Variants in ANTXR1 observed in about 807,000 individuals in gnomAD.
ANTXR1 encodes anthrax toxin receptor 1.
In ANTXR1, 19 loss-of-function variants were observed where a neutral mutation model predicts 78.1. The ratio of observed to expected loss-of-function variants is 0.24; its 90% CI spans 0.17 to 0.36. The LOEUF is 0.36. ANTXR1 is among the 10% of genes least tolerant of loss of function. The probability of loss-of-function intolerance (pLI) is 1.00; values close to 1 mark genes in which losing one functional copy is unlikely to be tolerated. For synonymous variants in ANTXR1, 273 were observed against 260.5 expected (o/e 1.05, Z -0.46); for missense variants, 518 against 718.6 (o/e 0.72, Z 3.19).
chr2:69,106,096 CTG>C (rs1043967960), intron 10 of ANTXR1, among the ~76,000 whole-genome samples: 3 of 152,212 alleles, frequency 2.0e-5, no homozygotes, highest in Non-Finnish European at 2.9e-5. Context: ...TTTTAAATGA[CTG>C]TGAACAACTT....
chr2:69,107,689 C>T (rs1671855019), intron 10 of ANTXR1, among the ~76,000 whole-genome samples: 1 of 151,988 alleles, frequency 6.6e-6, no homozygotes, highest in Non-Finnish European at 1.5e-5. Context: ...CAAAATCCAG[C>T]AATGTATTTA....
chr2:69,141,790 A>G (rs1363923699), intron 12 of ANTXR1, among the ~76,000 whole-genome samples: 8 of 152,176 alleles, frequency 5.3e-5, no homozygotes, highest in African/African-American at 1.9e-4. Context: ...GGGCTGGTGT[A>G]TGACAGTGAG....
chr2:69,024,842 T>G (rs57913812), intron 1 of ANTXR1, among the ~76,000 whole-genome samples: 6,044 of 152,218 alleles, frequency 0.04, 237 homozygotes, highest in East Asian at 0.17. Flanking sequence ...CTCCCCACCT[T>G]GTATTCTTGA....
intron 8 of ANTXR1, among the ~76,000 whole-genome samples, chr2:69,088,029 A>T (rs1255588150): frequency 1.3e-5 from 2 of 152,172 alleles, no homozygotes; most frequent in Admixed American, 6.5e-5. Context: ...CAGATGTTTT[A>T]AGTTAAGATT....
chr2:69,096,403 A>G lies in ANTXR1; in HGVS notation c.703+5484A>G, dbSNP rs1370411037. 6.3e-5 allele frequency among the ~76,000 whole-genome samples: 9 copies of G among 142,646 alleles called. 1 individual carries two copies. Among genetic ancestry groups the G allele is most frequent in the East Asian group, 2.2e-4 (1 of 4,480 alleles). The allele number at this position is 142,646 out of a possible 152,430, so 93.6% of individuals were successfully genotyped here. ...AGGGAAGGAAGGAAGGAAGGAAGGAAGGAAATCAAAAAGAATTCCAATCAC... is the reference window on the plus strand; with the variant it reads ...AGGGAAGGAAGGAAGGAAGGAAGGAGGGAAATCAAAAAGAATTCCAATCAC... On this transcript the variant is annotated intron_variant, in intron 9 of 17. Coordinates refer to ENST00000303714, the MANE Select transcript of ANTXR1 (RefSeq NM_032208.3).
chr2:69,098,463 A>G (rs1323602413), intron 9 of ANTXR1, among the ~76,000 whole-genome samples: 7 of 152,210 alleles, frequency 4.6e-5, no homozygotes, highest in Non-Finnish European at 7.3e-5. Flanking sequence ...GACCAGAACA[A>G]GTGGAGAATA....
At chr2:69,084,597 T>G (rs1670992466) in intron 8 of ANTXR1, among the ~76,000 whole-genome samples, 1 of 149,442 alleles carries the variant, frequency 6.7e-6, no homozygotes, top group South Asian at 2.1e-4. Context: ...TAAAGTTTTT[T>G]TTTTTTTTTT....
At chr2:69,191,934 A>T (rs375289772) in intron 16 of ANTXR1, among the ~76,000 whole-genome samples, 77 of 152,242 alleles carry the variant, frequency 5.1e-4, no homozygotes, top group Middle Eastern at 3.4e-3. Flanking sequence ...GCCCTCTGGG[A>T]CTGCTGGGAC....
At chr2:69,201,503 T>G (rs1674771708) in intron 17 of ANTXR1, among the ~76,000 whole-genome samples, 1 of 152,140 alleles carries the variant, frequency 6.6e-6, no homozygotes, top group African/African-American at 2.4e-5. Context: ...AGAGACTTAC[T>G]GCAAGAGTTT....
rs1241587932 is a variant in ANTXR1, at chr2:69,182,670, T to C, written c.1353+10T>C. ...GTACTCTCCAATCAAGGTGTGTCTCTTTACTCAAAAAATCTATCATCAGTC... is the reference window on the plus strand; with the variant it reads ...GTACTCTCCAATCAAGGTGTGTCTCCTTACTCAAAAAATCTATCATCAGTC... On this transcript the variant is annotated intron_variant, in intron 16 of 17. Coordinates refer to ENST00000303714, the MANE Select transcript of ANTXR1 (RefSeq NM_032208.3). 6.2e-7 allele frequency: 1 copy of C among 1,614,104 alleles called. No homozygotes were observed. The highest frequency in any genetic ancestry group is 2.2e-5 in the East Asian group (1 of 44,882).
intron 9 of ANTXR1, among the ~76,000 whole-genome samples, chr2:69,098,200 T>G (rs1671493941): frequency 6.6e-6 from 1 of 152,156 alleles, no homozygotes; most frequent in South Asian, 2.1e-4. Context: ...ATGTCAAAAT[T>G]TATCAAATCA....
chr2:69,079,236 T>A (rs897947837), intron 8 of ANTXR1, among the ~76,000 whole-genome samples: 3 of 152,162 alleles, frequency 2.0e-5, no homozygotes, highest in African/African-American at 7.2e-5. Context: ...ATTTCTGGGG[T>A]CACTGTGGCA....
intron 12 of ANTXR1, chr2:69,145,305 T>G: frequency 6.4e-7 from 1 of 1,572,548 alleles, no homozygotes. Context: ...CATTTGTATT[T>G]TTATGTTCTC....
At chr2:69,194,227 A>G (rs962395235) in intron 17 of ANTXR1, among the ~76,000 whole-genome samples, 1 of 152,248 alleles carries the variant, frequency 6.6e-6, no homozygotes. Flanking sequence ...TTCTTCATGT[A>G]AGAGCTAGTC....
intron 16 of ANTXR1, among the ~76,000 whole-genome samples, chr2:69,189,048 T>C (rs985861196): frequency 6.6e-6 from 1 of 152,264 alleles, no homozygotes; most frequent in Non-Finnish European, 1.5e-5. Context: ...GCTTACTTCT[T>C]GGTTGCAAAC....
At chr2:69,166,404 T>C (rs944856402) in intron 13 of ANTXR1, among the ~76,000 whole-genome samples, 3 of 152,076 alleles carry the variant, frequency 2.0e-5, no homozygotes, top group Middle Eastern at 3.2e-3. Flanking sequence ...ATTCAGGAGT[T>C]CCATATTCCA....
At chr2:69,163,452 G>A (rs1026269560) in intron 13 of ANTXR1, among the ~76,000 whole-genome samples, 1 of 152,142 alleles carries the variant, frequency 6.6e-6, no homozygotes, top group African/African-American at 2.4e-5. Context: ...GGTGGCTCCT[G>A]TGAGTTCCAT....
chr2:69,245,226 G>C lies in ANTXR1; in HGVS notation c.1436G>C (p.Gly479Ala). The change falls in exon 18 of 18, where the codon GGG (glycine) becomes GCG (alanine). Residue 479 changes from glycine (G) to alanine (A), a missense_variant and splice_region_variant. This residue lies in a region of ANTXR1 where 192 missense variants were observed against 230.2 expected (regional missense o/e 0.83). Coordinates refer to ENST00000303714, the MANE Select transcript of ANTXR1 (RefSeq NM_032208.3). The stretch of plus-strand genomic sequence containing the variant: ...TCCTTCTCTCCAATTCTTTTCTAGG[G>C]GCGCTGCATCAACTTCACCAGGGTC... ...SVMRPQPGDT[G>A]RCINFTRVKN... is the part of the protein sequence containing the mutation. The C allele has an allele frequency of 1.2e-6, 2 of 1,613,848 alleles. No individual in the cohort carries two copies. The highest frequency in any genetic ancestry group is 1.7e-6 in the Non-Finnish European group (2 of 1,179,962).
At chr2:69,048,118 G>C (rs548722901) in intron 3 of ANTXR1, among the ~76,000 whole-genome samples, 5 of 152,108 alleles carry the variant, frequency 3.3e-5, no homozygotes, top group Non-Finnish European at 7.4e-5. Context: ...ACTCCAAGGA[G>C]AGTCTTGTTC....
Sources: allele counts gnomAD v4.1 joint callset (sites outside exome capture counted in the v4.1 genomes callset), GRCh38; gene constraint gnomAD v4.1.1; regional missense constraint gnomAD v4.1.1; transcripts MANE v1.5; gene names NCBI Gene and HGNC (gene_info 2026-07-23, HGNC 2026-07-21).